AKR1E2: variants seen among roughly 807,000 people sequenced by gnomAD.
AKR1E2 encodes aldo-keto reductase family 1 member E2.
AKR1E2 carries 43 observed loss-of-function variants against 41.9 expected under a neutral mutation model. The ratio of observed to expected loss-of-function variants is 1.03; its 90% CI spans 0.80 to 1.32. AKR1E2 has a LOEUF of 1.32. Ranked by LOEUF, AKR1E2 falls within the 40% of genes most tolerant of loss-of-function variation. The pLI is 0.00. For missense variants in AKR1E2, 423 were observed against 396.5 expected, an observed-to-expected ratio of 1.07 and a Z score of -0.57; for synonymous variants, 121 against 138.9, an observed-to-expected ratio of 0.87 and a Z score of 0.91.
Position 4,842,481 on chromosome 10 carries a change from A to C in AKR1E2, c.814A>C (p.Ser272Arg). Residue 272 changes from serine to arginine, a missense_variant, in exon 8 of 10, where the codon AGT becomes CGT. By Grantham distance (110) the Ser-to-Arg change is moderately radical. Transcript: ENST00000298375. ...VIVIPGSITP[S>R]HIKENIQVFD... is the part of the protein sequence containing the mutation. ...AGTGATCCCCGGATCTATCACCCCA[A>C]GTCACATTAAAGAGAATATCCAGGT... The C allele has an allele frequency of 3.1e-6, 5 of 1,614,168 alleles. No homozygotes were observed. Among genetic ancestry groups the C allele is most frequent in the Non-Finnish European group, 2.5e-6 (3 of 1,180,002 alleles).
At chr10:4,835,527 T>G in intron 3 of AKR1E2, 148 bp from the exon 4 acceptor site, 1 of 987,424 alleles carries the variant, frequency 1.0e-6, no homozygotes, top group Non-Finnish European at 1.4e-6. Flanking sequence ...CATCTTTTCT[T>G]AGAAAGGTGA....
At chr10:4,854,314 T>A in the AKR1E2 span, among the ~76,000 whole-genome samples, 3 of 152,026 alleles carry the variant, frequency 2.0e-5, no homozygotes, top group Non-Finnish European at 2.9e-5. Context: ...GGCTGGTCTT[T>A]AACTCCTGAC....
chr10:4,868,131 A>G, the AKR1E2 span, among the ~76,000 whole-genome samples: 3 of 152,148 alleles, frequency 2.0e-5, no homozygotes, highest in African/African-American at 7.2e-5. Flanking sequence ...ATACTGTAAG[A>G]TTCTCCACTA....
intron 8 of AKR1E2, 82 bp downstream of exon 8, chr10:4,842,586 C>T (rs1833976946): frequency 2.3e-6 from 3 of 1,306,076 alleles, no homozygotes; most frequent in Non-Finnish European, 3.3e-6. Context: ...CATACAGCCT[C>T]AGGGTTGCGG....
At chr10:4,845,997 TGCCCCGGCCC>T (rs978013622) in intron 8 of AKR1E2, 3 of 400,716 alleles carry the variant, frequency 7.5e-6, no homozygotes, top group Non-Finnish European at 1.5e-5. Context: ...TGCAGGGGGC[TGCCCCGGCCC>T]GCCCCCTGTG....
At chr10:4,849,172 C>T (rs1834476659), downstream of AKR1E2, among the ~76,000 whole-genome samples, 2 of 152,084 alleles carry the variant, frequency 1.3e-5, no homozygotes, top group Admixed American at 6.5e-5. Context: ...ATGGTTTGAC[C>T]AAATTTCCAG....
At chr10:4,852,933 G>A (rs1484114543), downstream of AKR1E2, among the ~76,000 whole-genome samples, 2 of 152,044 alleles carry the variant, frequency 1.3e-5, no homozygotes, top group East Asian at 3.9e-4. Flanking sequence ...TGACCTTGAG[G>A]GATATTTTAA....
At chr10:4,865,403 C>T in the AKR1E2 span, among the ~76,000 whole-genome samples, 35,219 of 151,908 alleles carry the variant, frequency 0.23, 4,354 homozygotes, top group Middle Eastern at 0.35. Flanking sequence ...TTTTAGAAGA[C>T]AGGTAGAAGT....
At chr10:4,867,066 G>A in the AKR1E2 span, among the ~76,000 whole-genome samples, 1 of 152,292 alleles carries the variant, frequency 6.6e-6, no homozygotes, top group Non-Finnish European at 1.5e-5. Flanking sequence ...AGGCAAGAAG[G>A]AGGTCTGCTG....
intron 6 of AKR1E2, among the ~76,000 whole-genome samples, chr10:4,841,108 A>G (rs1394809677): frequency 1.3e-5 from 2 of 152,110 alleles, no homozygotes; most frequent in Admixed American, 1.3e-4. Context: ...GGATCCTCTG[A>G]TGGAGTGAGT....
In AKR1E2 at chr10:4,839,654, C is replaced by T. The variant is rs34882719; in HGVS notation, c.583-75C>T. 0.041 allele frequency: 55,492 copies of T among 1,369,866 alleles called. 1,433 individuals are homozygous for T. The highest frequency in any genetic ancestry group is 0.12 in the East Asian group (5,292 of 43,302). 84.9% of individuals were successfully genotyped at this position (1,369,866 alleles called of 1,614,324 possible). A position where few individuals can be genotyped will look rare whatever the true frequency, so the allele number is the denominator to read the frequency against. On this transcript the variant is annotated intron_variant, in intron 5 of 9. Transcript: ENST00000298375. ...TACTCGGTGACAGCCAAGACTTTGACGCAGGTCTTCTCTTGTAGAGCTTTT... is the reference window on the plus strand; with the variant it reads ...TACTCGGTGACAGCCAAGACTTTGATGCAGGTCTTCTCTTGTAGAGCTTTT...
At chr10:4,849,799 C>T (rs907592250), downstream of AKR1E2, among the ~76,000 whole-genome samples, 16 of 152,186 alleles carry the variant, frequency 1.1e-4, no homozygotes, top group Non-Finnish European at 2.1e-4. Context: ...TACTTCCAGC[C>T]GGCATGAAAA....
chr10:4,843,855 T>G (rs1211893878), intron 8 of AKR1E2, among the ~76,000 whole-genome samples: 1 of 152,136 alleles, frequency 6.6e-6, no homozygotes, highest in Admixed American at 6.5e-5. Flanking sequence ...GGCGTCCTGC[T>G]CTTTGAATGG....
chr10:4,858,131 T>G, the AKR1E2 span, among the ~76,000 whole-genome samples: 3 of 152,218 alleles, frequency 2.0e-5, no homozygotes, highest in Non-Finnish European at 4.4e-5. Context: ...GTCAATTTCT[T>G]TCATTGACAT....
the AKR1E2 span, among the ~76,000 whole-genome samples, chr10:4,857,860 CTT>C: frequency 6.6e-6 from 1 of 151,812 alleles, no homozygotes; most frequent in Admixed American, 6.6e-5. Flanking sequence ...TCAGTTGAGT[CTT>C]ATCATTTTTT....
the AKR1E2 span, among the ~76,000 whole-genome samples, chr10:4,863,043 C>A: frequency 6.6e-6 from 1 of 152,082 alleles, no homozygotes; most frequent in Admixed American, 6.6e-5. Flanking sequence ...CAACATTAGA[C>A]AGATCAACGA....
At chr10:4,862,729 G>A in the AKR1E2 span, among the ~76,000 whole-genome samples, 1 of 152,038 alleles carries the variant, frequency 6.6e-6, no homozygotes, top group East Asian at 1.9e-4. Context: ...TTGGCTCTCC[G>A]TTAGACACAC....
chr10:4,847,035 G>C lies in AKR1E2; in HGVS notation c.838-113G>C, dbSNP rs1052693653. On this transcript the variant is annotated intron_variant, in intron 8 of 9. Transcript: ENST00000298375. The stretch of plus-strand genomic sequence containing the variant: ...GTTCCAAGTGTCTGATGAAGTGTTT[G>C]TTTTACATCTTTGTGTCCCTTGCAG... 4.3e-6 allele frequency: 5 copies of C among 1,170,844 alleles called. No homozygotes were observed. In the African/African-American group the frequency reaches 7.7e-5, roughly 18 times the overall value. 72.5% of individuals were successfully genotyped at this position (1,170,844 alleles called of 1,614,324 possible).
At chr10:4,857,404 C>A in the AKR1E2 span, among the ~76,000 whole-genome samples, 2 of 147,426 alleles carry the variant, frequency 1.4e-5, no homozygotes, top group African/African-American at 2.5e-5. Context: ...TAGTACCCCC[C>A]ACACACACAT....
Sources: allele counts gnomAD v4.1 joint callset (sites outside exome capture counted in the v4.1 genomes callset), GRCh38; gene constraint gnomAD v4.1.1; transcripts MANE v1.5; gene names NCBI Gene and HGNC (gene_info 2026-07-23, HGNC 2026-07-21).